C12orf43: variants seen among roughly 807,000 people sequenced by gnomAD.
C12orf43 encodes the protein protein CUSTOS.
C12orf43 carries 15 observed loss-of-function variants against 20.6 expected under a neutral mutation model. The ratio of observed to expected loss-of-function variants is 0.73; its 90% CI spans 0.49 to 1.12. The LOEUF is 1.12. Among genes scored for constraint, C12orf43 ranks in the 50% most tolerant of loss-of-function variants. The pLI, the probability that C12orf43 is intolerant of heterozygous loss-of-function variation, is 0.00. For missense variants in C12orf43, 334 were observed against 344.4 expected (o/e 0.97, Z 0.24); for synonymous variants, 144 against 130.8 (o/e 1.10, Z -0.69).
intron 3 of C12orf43, chr12:121,006,928 C>G (rs1878072877): frequency 6.5e-6 from 1 of 154,518 alleles, no homozygotes; most frequent in African/African-American, 2.4e-5. Context: ...CAGAGCAAGA[C>G]TCCATCTCCA....
At chr12:121,011,209 G>T (rs1878433596) in intron 1 of C12orf43, 63 bp from the exon 2 acceptor site, 2 of 1,422,288 alleles carry the variant, frequency 1.4e-6, no homozygotes, top group Non-Finnish European at 2.0e-6. Context: ...ACAAATGCGT[G>T]CCAGGCACTA....
rs1368844826 is a variant in C12orf43, at chr12:121,002,104, T to C, written c.*2049A>G. On this transcript the variant is annotated 3_prime_UTR_variant, in exon 6 of 6. Coordinates refer to ENST00000288757, the MANE Select transcript of C12orf43 (RefSeq NM_022895.3). ...TTGTTTGGGGCAGGAGTAGCTGAGC[T>C]CACAAGGCAGCAAGGCCCGAGCAGC... The C allele has an allele frequency of 7.5e-6, 4 of 533,292 alleles. No individual in the cohort carries two copies. The highest frequency in any genetic ancestry group is 1.5e-5 in the Non-Finnish European group (4 of 275,174). The allele number at this position is 533,292 out of a possible 1,614,324, so 33.0% of individuals were successfully genotyped here.
intron 4 of C12orf43, chr12:121,006,008 G>C (rs867724913): frequency 2.8e-5 from 7 of 250,008 alleles, no homozygotes; most frequent in Admixed American, 1.5e-4. Flanking sequence ...CTTGAGGCCA[G>C]GAGTTCAAGA....
rs2135893503 is a variant in C12orf43, at chr12:121,016,428, C to T, written c.47G>A (p.Ser16Asn). The change falls in exon 1 of 6, where the codon AGC becomes AAC. Residue 16 changes from serine to asparagine, a missense_variant. Ser to Asn is a conservative substitution (Grantham distance 46). Transcript: ENST00000288757. ...CTCCAGCTCCTCCGCATCGCTACTG[C>T]TGTTACTACTTTCCGAATCGCTCAC... ...GTVSDSESSN[S>N]SSDAEELERC... 1.9e-6 allele frequency: 3 copies of T among 1,614,074 alleles called. No homozygotes were observed. Among genetic ancestry groups the T allele is most frequent in the Admixed American group, 1.7e-5 (1 of 60,036 alleles).
chr12:121,004,903 G>A lies in C12orf43; in HGVS notation c.452+100C>T. ...GCTGCCTGACAGGGCCACTGCCTTG[G>A]CCTGGTCCTGACTGGAGTCTGCTTG... On this transcript the variant is annotated intron_variant, in intron 5 of 5. Transcript: ENST00000288757. This position sits in a 1 kb window ranked among gnomAD's most constrained non-coding sequence, Gnocchi z 5.6. The A allele has an allele frequency of 1.2e-6, 1 of 867,092 alleles. No individual in the cohort carries two copies. Among genetic ancestry groups the A allele is most frequent in the East Asian group, 3.0e-5 (1 of 33,058 alleles). The allele number at this position is 867,092 out of a possible 1,614,324, so 53.7% of individuals were successfully genotyped here.
chr12:121,014,125 C>T (rs539777755), intron 1 of C12orf43, among the ~76,000 whole-genome samples: 5 of 151,856 alleles, frequency 3.3e-5, no homozygotes, highest in Admixed American at 6.6e-5. Context: ...GTCATAAGTT[C>T]GAGACCAGCC....
Position 121,004,929 on chromosome 12 carries a change from G to T in C12orf43, c.452+74C>A. ...CCTGGTCCTGACTGGAGTCTGCTTG[G>T]CTATTCCAGGGAACCCACCAAGACA... On this transcript the variant is annotated intron_variant, in intron 5 of 5. Coordinates refer to ENST00000288757, the MANE Select transcript of C12orf43 (RefSeq NM_022895.3). This position sits in a 1 kb window ranked among gnomAD's most constrained non-coding sequence, Gnocchi z 5.6. 1.7e-6 allele frequency: 2 copies of T among 1,147,750 alleles called. No homozygotes were observed. Among genetic ancestry groups the T allele is most frequent in the Non-Finnish European group, 2.4e-6 (2 of 849,214 alleles). The allele number at this position is 1,147,750 out of a possible 1,614,324, so 71.1% of individuals were successfully genotyped here.
intron 1 of C12orf43, among the ~76,000 whole-genome samples, chr12:121,013,053 A>T (rs1419486006): frequency 6.6e-5 from 10 of 152,082 alleles, no homozygotes; most frequent in Non-Finnish European, 1.3e-4. Context: ...TGGTGTAAGA[A>T]ACAGCTCCAT....
Position 121,001,874 on chromosome 12 carries a change from C to T in C12orf43, c.*2279G>A, listed in dbSNP as rs896061969. The T allele has an allele frequency of 2.1e-5, 11 of 518,132 alleles. 1 individual carries two copies. The highest frequency in any genetic ancestry group is 3.7e-5 in the Non-Finnish European group (10 of 266,856). 32.1% of individuals were successfully genotyped at this position (518,132 alleles called of 1,614,324 possible). A position where few individuals can be genotyped will look rare whatever the true frequency, so the allele number is the denominator to read the frequency against. On this transcript the variant is annotated 3_prime_UTR_variant, in exon 6 of 6. Transcript: ENST00000288757. The stretch of plus-strand genomic sequence containing the variant: ...CTTCCCATCCCCAGCGATTCCCTCT[C>T]CCAGGCCCCATGACCTCCAGCTTTC...
At chr12:121,006,677 C>G (rs1878051215) in intron 3 of C12orf43, 1 of 361,672 alleles carries the variant, frequency 2.8e-6, no homozygotes, top group Admixed American at 3.9e-5. Context: ...GTGGCTCACG[C>G]CTGTAATCCT....
intron 1 of C12orf43, among the ~76,000 whole-genome samples, chr12:121,013,358 G>C (rs1366375521): frequency 6.6e-6 from 1 of 152,230 alleles, no homozygotes; most frequent in Non-Finnish European, 1.5e-5. Flanking sequence ...GTTCAGTTGA[G>C]TCCTGGCTCT....
intron 3 of C12orf43, among the ~76,000 whole-genome samples, chr12:121,009,053 T>A (rs1483688172): frequency 6.6e-6 from 1 of 152,236 alleles, no homozygotes; most frequent in Non-Finnish European, 1.5e-5. Context: ...GCAGTGTTTC[T>A]CACGCTTCTT....
intron 1 of C12orf43, among the ~76,000 whole-genome samples, chr12:121,015,023 A>G (rs930941304): frequency 3.3e-5 from 5 of 152,062 alleles, no homozygotes; most frequent in Non-Finnish European, 7.4e-5. Flanking sequence ...GGAAAGACCA[A>G]CCACATATTT....
At chr12:121,010,976 C>G in intron 2 of C12orf43, 50 bp from the exon 3 acceptor site, 1 of 1,605,402 alleles carries the variant, frequency 6.2e-7, no homozygotes, top group South Asian at 1.1e-5. Flanking sequence ...AGAAGCTGTC[C>G]CCATGAGCAC....
At position 121,001,432 on chromosome 12, in the gene C12orf43, C is replaced by A. The variant is rs1877475530; in HGVS notation, c.*2721G>T. 5.4e-6 allele frequency: 3 copies of A among 559,068 alleles called. No individual in the cohort carries two copies. The highest frequency in any genetic ancestry group is 9.7e-6 in the Non-Finnish European group (3 of 310,386). 34.6% of individuals were successfully genotyped at this position (559,068 alleles called of 1,614,324 possible). On this transcript the variant is annotated 3_prime_UTR_variant, in exon 6 of 6. Transcript: ENST00000288757. ...TGGAGAGCTAGGAGCAAAGCCTGTT[C>A]ATGGCAGATGTAGGAGGGACTGTCG...
Position 121,002,010 on chromosome 12 carries a change from G to A in C12orf43, c.*2143C>T, listed in dbSNP as rs968891794. On this transcript the variant is annotated 3_prime_UTR_variant, in exon 6 of 6. Coordinates refer to ENST00000288757, the MANE Select transcript of C12orf43 (RefSeq NM_022895.3). ...TCGTCCTTACTCCTGTGGGAGCCTC[G>A]CAACCCGTGCCAAGTCCAGGTCCTG... is the stretch of plus-strand genomic sequence containing the variant. The A allele has an allele frequency of 3.0e-5, 16 of 536,420 alleles. No individual in the cohort carries two copies. Among genetic ancestry groups the A allele is most frequent in the Admixed American group, 4.4e-5 (2 of 45,012 alleles). 33.2% of individuals were successfully genotyped at this position (536,420 alleles called of 1,614,324 possible).
rs751112023 is a variant in C12orf43 at position 121,001,076 on chromosome 12, A to C, written c.*3077T>G. On this transcript the variant is annotated 3_prime_UTR_variant, in exon 6 of 6. Coordinates refer to ENST00000288757, the MANE Select transcript of C12orf43 (RefSeq NM_022895.3). ...GTTTGCCTCTGCAGTGTCCTCCAGC[A>C]GCCTGGTGCTGTACCAGAGCTCAGA... The C allele has an allele frequency of 1.2e-6, 2 of 1,613,562 alleles. No individual in the cohort carries two copies. Among genetic ancestry groups the C allele is most frequent in the Non-Finnish European group, 1.7e-6 (2 of 1,179,866 alleles).
At chr12:121,014,737 TG>T (rs1349220790) in intron 1 of C12orf43, among the ~76,000 whole-genome samples, 2 of 150,844 alleles carry the variant, frequency 1.3e-5, no homozygotes, top group Non-Finnish European at 3.0e-5. Flanking sequence ...CTCAGCACTT[TG>T]AAGGTTGAGA....
At position 121,002,562 on chromosome 12, in the gene C12orf43, G is replaced by C; in HGVS notation, c.*1591C>G. 4.2e-6 allele frequency: 2 copies of C among 481,552 alleles called. No individual in the cohort carries two copies. Among genetic ancestry groups the C allele is most frequent in the South Asian group, 1.6e-5 (1 of 63,066 alleles). 29.8% of individuals were successfully genotyped at this position (481,552 alleles called of 1,614,324 possible). ...CAGATGGGGTTTGGGCAGGTAGCGG[G>C]AGGCTGGGGCAGGCCAGAGGCCTGC... On this transcript the variant is annotated 3_prime_UTR_variant, in exon 6 of 6. Coordinates refer to ENST00000288757, the MANE Select transcript of C12orf43 (RefSeq NM_022895.3).
Sources: gnomAD v4.1 joint callset for allele counts (sites outside exome capture counted in the v4.1 genomes callset) on GRCh38, gnomAD v4.1.1 for gene constraint, Gnocchi (gnomAD v3.1) non-coding constraint, MANE v1.5 for transcripts, NCBI Gene and HGNC (gene_info 2026-07-23, HGNC 2026-07-21) for gene names.